Variants in FDXACB1 observed in about 807,000 individuals in gnomAD.
The protein encoded by FDXACB1 is ferredoxin-fold anticodon binding domain containing 1.
Under a neutral mutation model 51.7 loss-of-function variants are expected in FDXACB1, and 41 were observed. The observed-to-expected ratio is 0.79, with a 90% CI of 0.62 to 1.03. FDXACB1 has a LOEUF of 1.03. FDXACB1 is among the 50% of genes least tolerant of loss of function. The probability of loss-of-function intolerance (pLI) is 0.00; values close to 1 mark genes in which losing one functional copy is unlikely to be tolerated. For missense variants in FDXACB1, 697 were observed against 746.4 expected (o/e 0.93, Z 0.77); for synonymous variants, 273 against 278.6 (o/e 0.98, Z 0.20).
At chr11:111,877,641 C>CTGT (rs1555162389) in intron 2 of FDXACB1, among the ~76,000 whole-genome samples, 2 of 151,316 alleles carry the variant, frequency 1.3e-5, no homozygotes, top group Non-Finnish European at 2.9e-5. Context: ...CTCAGCCTCC[C>CTGT]AAGTACCTGG....
intron 3 of FDXACB1, 58 bp downstream of exon 3, chr11:111,876,750 G>A: frequency 2.5e-6 from 4 of 1,593,780 alleles, no homozygotes; most frequent in Non-Finnish European, 3.4e-6. Flanking sequence ...ATGAGATTTT[G>A]TTATCATTAG....
At chr11:111,877,783 C>T (rs939234208) in intron 2 of FDXACB1, among the ~76,000 whole-genome samples, 2 of 151,882 alleles carry the variant, frequency 1.3e-5, no homozygotes, top group African/African-American at 4.8e-5. Context: ...TCCCAAACTG[C>T]TGGGATTACA....
chr11:111,876,008 CTT>C lies in FDXACB1; in HGVS notation c.787_788del (p.Lys263ValfsTer20), dbSNP rs1566368029. The C allele has an allele frequency of 1.2e-6, 2 of 1,613,968 alleles. No homozygotes were observed. Among genetic ancestry groups the C allele is most frequent in the South Asian group, 2.2e-5 (2 of 91,076 alleles). On this transcript the variant is annotated frameshift_variant, in exon 5 of 5. Transcript: ENST00000260257. LOFTEE classifies it high-confidence loss of function. The part of the protein sequence containing the change: ...LGKVFPLKRL[K>X]CSYPLLPQEG... ...CCTGTGGCAGCAAAGGGTAGGAACA[CTT>C]CAGCCTTTTTAGCGGGAAAACTTTG...
chr11:111,878,910 T>C, intron 1 of FDXACB1, 51 bp downstream of exon 1: 2 of 1,557,662 alleles, frequency 1.3e-6, no homozygotes, highest in Non-Finnish European at 1.7e-6. Flanking sequence ...CTTTCCACTT[T>C]GGGACGCGCC....
rs1555162170 is a variant in FDXACB1, at chr11:111,876,560, G to A, written c.613C>T (p.Pro205Ser). The change falls in exon 4 of 5, where the codon CCC becomes TCC. Residue 205 changes from proline to serine, a missense_variant. By Grantham distance (74) the Pro-to-Ser change is moderately conservative. Coordinates refer to ENST00000260257, the MANE Select transcript of FDXACB1 (RefSeq NM_138378.3). ...TRSLPFEGSQPRIFRIKLGNQ... is the reference protein window; with the variant it reads ...TRSLPFEGSQSRIFRIKLGNQ... ...CCCAGTTTGATCCTGAAGATTCTGG[G>A]TTGAGAACCTTCAAAAGGTAAGCTC... is the stretch of plus-strand genomic sequence containing the variant. The A allele has an allele frequency of 4.3e-6, 7 of 1,613,998 alleles. No individual in the cohort carries two copies. Among genetic ancestry groups the A allele is most frequent in the South Asian group, 1.1e-5 (1 of 91,080 alleles).
At position 111,878,658 on chromosome 11, in the gene FDXACB1, A is replaced by G. The variant is rs140776979; in HGVS notation, c.227T>C (p.Leu76Pro). 432 of 1,611,146 alleles carry G rather than the reference A, an allele frequency of 2.7e-4. 1 individual carries two copies. In the African/African-American group the frequency reaches 5.4e-3, roughly 20 times the overall value. The part of the protein sequence containing the change: ...DCTQLADVFE[L>P]HEREFDQIYF... Reference sequence around the variant, plus strand: ...AATTTGATCAAATTCTCTCTCGTGCAGTTCAAAGACATCTGCCAGCTGGGT... The same window carrying G: ...AATTTGATCAAATTCTCTCTCGTGCGGTTCAAAGACATCTGCCAGCTGGGT... The change falls in exon 2 of 5, where the codon CTG (leucine) becomes CCG (proline). Residue 76 changes from leucine (L) to proline (P), a missense_variant. Leu to Pro is a moderately conservative substitution (Grantham distance 98). This residue lies in a region of FDXACB1 where 153 missense variants were observed against 133.5 expected (regional missense o/e 1.15). Coordinates refer to ENST00000260257, the MANE Select transcript of FDXACB1 (RefSeq NM_138378.3).
intron 1 of FDXACB1, 73 bp from the exon 2 acceptor site, chr11:111,878,785 C>A: frequency 6.5e-7 from 1 of 1,538,392 alleles, no homozygotes; most frequent in Non-Finnish European, 8.8e-7. Flanking sequence ...AAAAACTCTT[C>A]CTAACTTAAA....
Position 111,879,035 on chromosome 11 carries a change from G to A in FDXACB1, c.98C>T (p.Thr33Ile), listed in dbSNP as rs1371245471. ...TLDQSTQLTA[T>I]CLQRPAELAR... ...CAACTCGGCCGGGCGCTGGAGGCAGGTGGCGGTAAGTTGAGTGCTCTGATC... is the reference window on the plus strand; with the variant it reads ...CAACTCGGCCGGGCGCTGGAGGCAGATGGCGGTAAGTTGAGTGCTCTGATC... Residue 33 changes from threonine (T) to isoleucine (I), a missense_variant, in exon 1 of 5, where the codon ACC (threonine) becomes ATC (isoleucine). Transcript: ENST00000260257. 1.9e-6 allele frequency: 3 copies of A among 1,613,616 alleles called. No individual in the cohort carries two copies. The highest frequency in any genetic ancestry group is 2.2e-5 in the East Asian group (1 of 44,882).
In FDXACB1 at chr11:111,878,971, C is replaced by G. The variant is rs1964885780; in HGVS notation, c.162G>C (p.Leu54=). The G allele has an allele frequency of 6.2e-7, 1 of 1,600,388 alleles. No individual in the cohort carries two copies. Among genetic ancestry groups the G allele is most frequent in the Non-Finnish European group, 8.5e-7 (1 of 1,174,680 alleles). ...DPLAWENLQC[L]RERGIDVRFG... The stretch of plus-strand genomic sequence containing the variant: ...GGGCGGGCTCGCTACCTCGCTCGCG[C>G]AGGCACTGCAGATTCTCCCAGGCCA... The change falls in exon 1 of 5, where the codon CTG becomes CTC. Residue 54 remains leucine, a synonymous_variant. Coordinates refer to ENST00000260257, the MANE Select transcript of FDXACB1 (RefSeq NM_138378.3).
In FDXACB1 at chr11:111,876,909, A is replaced by C. The variant is rs1964828295; in HGVS notation, c.432T>G (p.Ser144Arg). ...ADKPQREWHN[S>R]WQVVAMAALG... ...GGGCTGCCATGGCAACCACTTGCCA[A>C]CTGTTGTGCCATTCTCTCTGGGGCT... Residue 144 changes from serine to arginine, a missense_variant, in exon 3 of 5, where the codon AGT becomes AGG. Coordinates refer to ENST00000260257, the MANE Select transcript of FDXACB1 (RefSeq NM_138378.3). 1 of 1,613,128 alleles carries C rather than the reference A, an allele frequency of 6.2e-7. No homozygotes were observed.
At position 111,876,933 on chromosome 11, in the gene FDXACB1, C is replaced by G; in HGVS notation, c.408G>C (p.Lys136Asn). The G allele has an allele frequency of 1.2e-6, 2 of 1,610,770 alleles. No individual in the cohort carries two copies. The highest frequency in any genetic ancestry group is 1.7e-6 in the Non-Finnish European group (2 of 1,178,330). Residue 136 changes from lysine to asparagine, a missense_variant, in exon 3 of 5, where the codon AAG becomes AAC. Transcript: ENST00000260257. ...CRGQGGTPAD[K>N]PQREWHNSWQ... ...AACTGTTGTGCCATTCTCTCTGGGG[C>G]TTATCCGCAGGAGTTCCACCTTGTC...
At position 111,874,739 on chromosome 11, in the gene FDXACB1, C is replaced by T. The variant is rs1311217737; in HGVS notation, c.*183G>A. On this transcript the variant is annotated 3_prime_UTR_variant, in exon 5 of 5. Coordinates refer to ENST00000260257, the MANE Select transcript of FDXACB1 (RefSeq NM_138378.3). Reference sequence around the variant, plus strand: ...CACTGCCACTGCACTCCCGCCTGGGCGGCAGAGCAAGACTCCGTCTCAAAA... The same window carrying T: ...CACTGCCACTGCACTCCCGCCTGGGTGGCAGAGCAAGACTCCGTCTCAAAA... 3.4e-5 allele frequency: 20 copies of T among 589,254 alleles called. No individual in the cohort carries two copies. Among genetic ancestry groups the T allele is most frequent in the Non-Finnish European group, 4.3e-5 (15 of 349,124 alleles). The allele number at this position is 589,254 out of a possible 1,614,324, so 36.5% of individuals were successfully genotyped here.
chr11:111,874,930 G>T lies in FDXACB1; in HGVS notation c.1867C>A (p.Pro623Thr). The T allele has an allele frequency of 6.2e-7, 1 of 1,613,648 alleles. No individual in the cohort carries two copies. Among genetic ancestry groups the T allele is most frequent in the Non-Finnish European group, 8.5e-7 (1 of 1,179,622 alleles). ...KEIQQHLYVI[P>T]R ...GAAAAGGATTTACCAAACTACCGAG[G>T]TATAACATATAGGTGTTGTTGAATC... Residue 623 changes from proline to threonine, a missense_variant, in exon 5 of 5, where the codon CCT becomes ACT. By Grantham distance (38) the Pro-to-Thr change is conservative. Around this residue, in one of 3 missense-constraint regions of FDXACB1, gnomAD observed 538 missense variants for 592.2 expected, o/e 0.91. Transcript: ENST00000260257.
rs535629792 is a variant in FDXACB1, at chr11:111,874,760, CAAA to C, written c.*159_*161del. 6,825 of 438,078 alleles carry C rather than the reference CAAA, an allele frequency of 0.016. No homozygotes were observed. Among genetic ancestry groups the C allele is most frequent in the East Asian group, 0.019 (487 of 25,414 alleles). The allele number at this position is 438,078 out of a possible 1,614,324, so 27.1% of individuals were successfully genotyped here. ...TGGGCGGCAGAGCAAGACTCCGTCT[CAAA>C]AAAAAAAAAAAAAAAAGATCAACGA... On this transcript the variant is annotated 3_prime_UTR_variant, in exon 5 of 5. Transcript: ENST00000260257.
At position 111,875,124 on chromosome 11, in the gene FDXACB1, A is replaced by G; in HGVS notation, c.1673T>C (p.Val558Ala). ...AGTGTCCTGAGACACTGCTCGGGCC[A>G]CAGTGTGAAACTCTAGTTCATCAAA... ...KGFDELEFHT[V>A]ARAVSQDTII... Residue 558 changes from valine to alanine, a missense_variant, in exon 5 of 5, where the codon GTG becomes GCG. Physicochemically the swap from Val to Ala is moderately conservative, Grantham distance 64 (BLOSUM62 0). Coordinates refer to ENST00000260257, the MANE Select transcript of FDXACB1 (RefSeq NM_138378.3). 6.2e-7 allele frequency: 1 copy of G among 1,613,894 alleles called. No homozygotes were observed. The highest frequency in any genetic ancestry group is 8.5e-7 in the Non-Finnish European group (1 of 1,179,882).
Position 111,876,953 on chromosome 11 carries a change from C to T in FDXACB1, c.388G>A (p.Gly130Ser), listed in dbSNP as rs1592490027. The change falls in exon 3 of 5, where the codon GGT (glycine) becomes AGT (serine). Residue 130 changes from glycine (G) to serine (S), a missense_variant. Physicochemically the swap from Gly to Ser is moderately conservative, Grantham distance 56 (BLOSUM62 0). This residue lies in a region of FDXACB1 where 538 missense variants were observed against 592.2 expected (regional missense o/e 0.91). Coordinates refer to ENST00000260257, the MANE Select transcript of FDXACB1 (RefSeq NM_138378.3). ...TGGGGCTTATCCGCAGGAGTTCCAC[C>T]TTGTCCTCTACATAATGCCACGTGG... is the stretch of plus-strand genomic sequence containing the variant. ...EVHVALCRGQ[G>S]GTPADKPQRE... 2.5e-6 allele frequency: 4 copies of T among 1,607,662 alleles called. No homozygotes were observed. The highest frequency in any genetic ancestry group is 2.7e-5 in the African/African-American group (2 of 74,872).
chr11:111,875,134 A>T lies in FDXACB1; in HGVS notation c.1663T>A (p.Phe555Ile). 1 of 1,613,756 alleles carries T rather than the reference A, an allele frequency of 6.2e-7. No individual in the cohort carries two copies. Residue 555 changes from phenylalanine to isoleucine, a missense_variant, in exon 5 of 5, where the codon TTT (phenylalanine) becomes ATT (isoleucine). Phe to Ile is a conservative substitution (Grantham distance 21, BLOSUM62 0). Around this residue, in one of 3 missense-constraint regions of FDXACB1, gnomAD observed 538 missense variants for 592.2 expected, o/e 0.91. Transcript: ENST00000260257. ...GACACTGCTCGGGCCACAGTGTGAA[A>T]CTCTAGTTCATCAAATCCTTTCTTC... ...DQKKGFDELE[F>I]HTVARAVSQD...
At chr11:111,878,383 A>G (rs544229590) in intron 2 of FDXACB1, among the ~76,000 whole-genome samples, 173 bp downstream of exon 2, 4 of 152,252 alleles carry the variant, frequency 2.6e-5, no homozygotes, top group South Asian at 2.1e-4. Context: ...ACTTTCATTT[A>G]GCATTTAGGG....
chr11:111,878,053 G>A (rs956005525), intron 2 of FDXACB1, among the ~76,000 whole-genome samples: 33 of 152,096 alleles, frequency 2.2e-4, no homozygotes, highest in African/African-American at 7.5e-4. Context: ...TGGGCGTGGT[G>A]GCGGGCGCCT....
Sources: gnomAD v4.1 joint callset for allele counts (sites outside exome capture counted in the v4.1 genomes callset) on GRCh38, gnomAD v4.1.1 for gene constraint, gnomAD v4.1.1 regional missense constraint, MANE v1.5 for transcripts, NCBI Gene and HGNC (gene_info 2026-07-23, HGNC 2026-07-21) for gene names.